Variants in ARG1 observed in about 807,000 individuals in gnomAD.
ARG1 encodes arginase-1.
ARG1 carries 20 observed loss-of-function variants against 33.0 expected under a neutral mutation model. The ratio of observed to expected loss-of-function variants is 0.61; its 90% CI spans 0.43 to 0.88. The LOEUF is 0.88. Among genes scored for constraint, ARG1 ranks in the 40% least tolerant of loss-of-function variants. ARG1 has a pLI of 0.00. For synonymous variants in ARG1, 146 were observed against 140.6 expected (o/e 1.04, Z -0.27); for missense variants, 374 against 384.7 (o/e 0.97, Z 0.23).
intron 3 of ARG1, among the ~76,000 whole-genome samples, chr6:131,580,310 G>A (rs1484234553): frequency 6.6e-6 from 1 of 152,106 alleles, no homozygotes; most frequent in Non-Finnish European, 1.5e-5. Flanking sequence ...TTTTAGGAAT[G>A]GCACATGGCA....
intron 2 of ARG1, among the ~76,000 whole-genome samples, chr6:131,577,549 G>A (rs1465857348): frequency 6.6e-6 from 1 of 151,936 alleles, no homozygotes; most frequent in African/African-American, 2.4e-5. Context: ...CCCATCAACT[G>A]GTAGATGGTT....
At chr6:131,573,846 T>A (rs140618233) in intron 1 of ARG1, 1 of 221,022 alleles carries the variant, frequency 4.5e-6, no homozygotes, top group African/African-American at 2.3e-5. Context: ...TAATTCATGT[T>A]ATGTTAGGGT....
At position 131,584,010 on chromosome 6, in the gene ARG1, GA is replaced by G. The variant is rs1774076854; in HGVS notation, c.*107del. ...ATCCTTCTAAAGACTTGTTCTTTCA[GA>G]AAAATGTTTTTCCAATTAGTATAAA... On this transcript the variant is annotated 3_prime_UTR_variant, in exon 8 of 8. Coordinates refer to ENST00000368087, the MANE Select transcript of ARG1 (RefSeq NM_000045.4). 2 of 1,374,056 alleles carry G rather than the reference GA, an allele frequency of 1.5e-6. No individual in the cohort carries two copies. The highest frequency in any genetic ancestry group is 4.2e-5 in the Admixed American group (2 of 47,152). 85.1% of individuals were successfully genotyped at this position (1,374,056 alleles called of 1,614,324 possible).
intron 4 of ARG1, among the ~76,000 whole-genome samples, chr6:131,581,877 AT>A (rs1773944683): frequency 6.6e-6 from 1 of 152,228 alleles, no homozygotes; most frequent in Non-Finnish European, 1.5e-5. Flanking sequence ...AGAAGCACCT[AT>A]CTAAATCATA....
At chr6:131,579,324 A>C in intron 3 of ARG1, 39 bp downstream of exon 3, 1 of 1,607,496 alleles carries the variant, frequency 6.2e-7, no homozygotes, top group Non-Finnish European at 8.5e-7. Flanking sequence ...ATCTGGCACA[A>C]AGGAAGTAAC....
Position 131,583,495 on chromosome 6 carries a change from G to C in ARG1, c.802+4G>C, listed in dbSNP as rs763249487. 77 of 1,613,930 alleles carry C rather than the reference G, an allele frequency of 4.8e-5. No homozygotes were observed. The highest frequency in any genetic ancestry group is 6.1e-5 in the Non-Finnish European group (72 of 1,179,968). On this transcript the variant is annotated splice_donor_region_variant and intron_variant, in intron 7 of 7. Transcript: ENST00000368087. ...ACAGAAGAAATCTACAAAACAGGTA[G>C]TTAACAATCTGAGGTAATAGAGAAG...
chr6:131,582,627 G>C lies in ARG1; in HGVS notation c.472G>C (p.Asp158His). Residue 158 changes from aspartate (D) to histidine (H), a missense_variant, in exon 5 of 8, where the codon GAT (aspartate) becomes CAT (histidine). Transcript: ENST00000368087. ...LLKELKGKIP[D>H]VPGFSWVTPC... Reference sequence around the variant, plus strand: ...GAAAACATTGTAATTTTAGATTCCCGATGTGCCAGGATTCTCCTGGGTGAC... The same window carrying C: ...GAAAACATTGTAATTTTAGATTCCCCATGTGCCAGGATTCTCCTGGGTGAC... 3.1e-6 allele frequency: 5 copies of C among 1,613,288 alleles called. No homozygotes were observed. Among genetic ancestry groups the C allele is most frequent in the Non-Finnish European group, 4.2e-6 (5 of 1,179,362 alleles).
chr6:131,577,414 C>G (rs1024958458), intron 2 of ARG1, among the ~76,000 whole-genome samples: 1 of 152,128 alleles, frequency 6.6e-6, no homozygotes, highest in Non-Finnish European at 1.5e-5. Context: ...AGAAGTACAA[C>G]TACAAACATT....
chr6:131,578,964 T>C, intron 2 of ARG1, 147 bp from the exon 3 acceptor site: 1 of 886,568 alleles, frequency 1.1e-6, no homozygotes, highest in East Asian at 2.7e-5. Flanking sequence ...GACATGGGTC[T>C]ACCTTCCCAA....
Position 131,576,729 on chromosome 6 carries a change from G to GT in ARG1, c.124_125insT (p.Glu42ValfsTer5). The GT allele has an allele frequency of 6.2e-7, 1 of 1,613,430 alleles. No individual in the cohort carries two copies. Among genetic ancestry groups the GT allele is most frequent in the Non-Finnish European group, 8.5e-7 (1 of 1,179,410 alleles). On this transcript the variant is annotated frameshift_variant, in exon 2 of 8. Coordinates refer to ENST00000368087, the MANE Select transcript of ARG1 (RefSeq NM_000045.4). LOFTEE classifies it high-confidence loss of function. Reference sequence around the variant, plus strand: ...GGCTGGTCTGCTTGAGAAACTTAAAGAACAAGGTAATTTTTAAGTTGAAAA... The same window carrying GT: ...GGCTGGTCTGCTTGAGAAACTTAAAGTAACAAGGTAATTTTTAAGTTGAAAA...
chr6:131,574,172 A>G, intron 1 of ARG1: 1 of 1,263,264 alleles, frequency 7.9e-7, no homozygotes, highest in East Asian at 2.3e-5. Context: ...ACAAAGAACA[A>G]AATCAAACAA....
intron 3 of ARG1, 117 bp from the exon 4 acceptor site, chr6:131,581,102 C>CA (rs1773897164): frequency 2.0e-6 from 2 of 1,000,546 alleles, no homozygotes; most frequent in Admixed American, 3.7e-5. Context: ...CAGAACCTAT[C>CA]AGAAATATCA....
At chr6:131,575,736 G>A (rs1773581786) in intron 1 of ARG1, among the ~76,000 whole-genome samples, 1 of 152,196 alleles carries the variant, frequency 6.6e-6, no homozygotes. Flanking sequence ...ATACAGAAAG[G>A]AACTGTGCCT....
At chr6:131,581,674 T>G (rs1773934381) in intron 4 of ARG1, among the ~76,000 whole-genome samples, 2 of 152,202 alleles carry the variant, frequency 1.3e-5, no homozygotes, top group South Asian at 4.1e-4. Context: ...GTTAACCAAC[T>G]TGCCCAAGAT....
intron 3 of ARG1, among the ~76,000 whole-genome samples, chr6:131,580,755 T>C (rs1233123682): frequency 1.4e-5 from 2 of 145,088 alleles, no homozygotes; most frequent in Non-Finnish European, 3.0e-5. Context: ...TCTCAAATTA[T>C]AAAAGCTGGA....
intron 3 of ARG1, among the ~76,000 whole-genome samples, chr6:131,580,837 G>A (rs1198079056): frequency 6.6e-6 from 1 of 152,194 alleles, no homozygotes; most frequent in Non-Finnish European, 1.5e-5. Context: ...AGAGATGAGT[G>A]TACAGAAAAT....
intron 4 of ARG1, among the ~76,000 whole-genome samples, 185 bp downstream of exon 4, chr6:131,581,563 A>AACTG (rs574175367): frequency 2.6e-5 from 4 of 152,318 alleles, no homozygotes; most frequent in Non-Finnish European, 5.9e-5. Context: ...CTGCCTTGCA[A>AACTG]ACTGACTTAA....
At position 131,581,297 on chromosome 6, in the gene ARG1, T is replaced by C. The variant is rs1216971255; in HGVS notation, c.384T>C (p.Asp128=). The C allele has an allele frequency of 3.1e-6, 5 of 1,613,892 alleles. No homozygotes were observed. Among genetic ancestry groups the C allele is most frequent in the Admixed American group, 3.3e-5 (2 of 60,008 alleles). Residue 128 remains aspartate (D), a synonymous_variant, in exon 4 of 8, where the codon GAT becomes GAC. Coordinates refer to ENST00000368087, the MANE Select transcript of ARG1 (RefSeq NM_000045.4). ...TCATCTGGGTGGATGCTCACACTGATATCAACACTCCACTGACAACCACAA... is the reference window on the plus strand; with the variant it reads ...TCATCTGGGTGGATGCTCACACTGACATCAACACTCCACTGACAACCACAA... The part of the protein sequence containing the change: ...LGVIWVDAHT[D]INTPLTTTSG...
chr6:131,584,211 C>A lies in ARG1; in HGVS notation c.*303C>A. 2.9e-6 allele frequency: 1 copy of A among 350,348 alleles called. No individual in the cohort carries two copies. Among genetic ancestry groups the A allele is most frequent in the Non-Finnish European group, 5.3e-6 (1 of 189,040 alleles). The allele number at this position is 350,348 out of a possible 1,614,324, so 21.7% of individuals were successfully genotyped here. A position where few individuals can be genotyped will look rare whatever the true frequency, so the allele number is the denominator to read the frequency against. ...AAAAATAAGCACACTTACATAAGCC[C>A]CCATACATAGAGTGGGACTCTTGGA... On this transcript the variant is annotated 3_prime_UTR_variant, in exon 8 of 8. Coordinates refer to ENST00000368087, the MANE Select transcript of ARG1 (RefSeq NM_000045.4).
Sources: allele counts gnomAD v4.1 joint callset (sites outside exome capture counted in the v4.1 genomes callset), GRCh38; gene constraint gnomAD v4.1.1; transcripts MANE v1.5; gene names NCBI Gene and HGNC (gene_info 2026-07-23, HGNC 2026-07-21).